The following CACHD1 variants were observed in gnomAD, a reference collection of about 807,000 sequenced individuals.
The protein encoded by CACHD1 is cache domain containing 1.
In CACHD1, 71 loss-of-function variants were observed where a neutral mutation model predicts 138.7. The observed-to-expected ratio is 0.51, with a 90% CI of 0.42 to 0.62. The LOEUF is 0.62. CACHD1 is among the 20% of genes least tolerant of loss of function. The pLI is 0.00. For missense variants in CACHD1, 1,389 were observed against 1,625.3 expected (o/e 0.85, Z 2.50); for synonymous variants, 578 against 591.5 (o/e 0.98, Z 0.33).
intron 1 of CACHD1, among the ~76,000 whole-genome samples, chr1:64,511,584 A>G (rs553244841): frequency 2.6e-5 from 4 of 152,298 alleles, no homozygotes; most frequent in African/African-American, 7.2e-5. Context: ...TCTCTCTCCA[A>G]CATCTCCAAG....
chr1:64,681,544 T>TTTTTTTTTTTG lies in CACHD1; in HGVS notation c.3484+219_3484+220insGTTTTTTTTTT, dbSNP rs1553146854. The stretch of plus-strand genomic sequence containing the variant: ...GAATCTCAAAAGATTTTATTGTGTT[T>TTTTTTTTTTTG]TTTTTTTTTTTTTTTTTTTTGCATT... On this transcript the variant is annotated intron_variant, in intron 25 of 26. Coordinates refer to ENST00000651257, the MANE Select transcript of CACHD1 (RefSeq NM_020925.4). 6.3e-4 allele frequency among the ~76,000 whole-genome samples: 70 copies of TTTTTTTTTTTG among 110,602 alleles called. 2 individuals carry two copies. In the East Asian group the frequency reaches 0.014, roughly 23 times the overall value. The allele number at this position is 110,602 out of a possible 152,430, so 72.6% of individuals were successfully genotyped here. A position where few individuals can be genotyped will look rare whatever the true frequency, so the allele number is the denominator to read the frequency against.
intron 4 of CACHD1, among the ~76,000 whole-genome samples, chr1:64,612,354 C>A (rs1020261483): frequency 3.3e-5 from 5 of 152,166 alleles, no homozygotes; most frequent in Non-Finnish European, 7.4e-5. Flanking sequence ...ATCACAGAAG[C>A]ATTTATCTAT....
intron 3 of CACHD1, among the ~76,000 whole-genome samples, chr1:64,591,773 T>G (rs1446383575): frequency 6.6e-6 from 1 of 152,100 alleles, no homozygotes. Context: ...CTTCTTGAGT[T>G]TTGGAAGAGG....
intron 26 of CACHD1, among the ~76,000 whole-genome samples, chr1:64,685,511 G>A (rs72673392): frequency 2.7e-3 from 415 of 152,246 alleles, no homozygotes; most frequent in Middle Eastern, 0.014. Context: ...AAGAGCTTAG[G>A]AGATAGGGTA....
In CACHD1 at chr1:64,485,603, C is replaced by T. The variant is rs1018529409; in HGVS notation, c.198+14661C>T. Among the ~76,000 whole-genome samples the T allele has an allele frequency of 3.3e-5, 5 of 151,958 alleles. No individual in the cohort carries two copies. The South Asian group carries it at 1.0e-3, about 32-fold the overall frequency. On this transcript the variant is annotated intron_variant, in intron 1 of 26. Coordinates refer to ENST00000651257, the MANE Select transcript of CACHD1 (RefSeq NM_020925.4). The stretch of plus-strand genomic sequence containing the variant: ...TTTTTTGTTTTGTTTTGTTTTGAGA[C>T]AGGGTCTTGCTCTGTCACCCAGGCT...
intron 1 of CACHD1, among the ~76,000 whole-genome samples, chr1:64,525,559 T>TA (rs1273410409): frequency 6.6e-6 from 1 of 152,218 alleles, no homozygotes; most frequent in Non-Finnish European, 1.5e-5. Context: ...CTGCAGTACT[T>TA]ACATCTTTAG....
chr1:64,666,064 C>T lies in CACHD1; in HGVS notation c.2284C>T (p.His762Tyr), dbSNP rs1164541606. The T allele has an allele frequency of 6.3e-7, 1 of 1,587,172 alleles. No homozygotes were observed. Among genetic ancestry groups the T allele is most frequent in the African/African-American group, 1.3e-5 (1 of 74,270 alleles). The stretch of plus-strand genomic sequence containing the variant: ...TTCTTTGGTCTCCATTAGGTATCTC[C>T]ATGCAGTAGCTAATCCAGGGTTGAT... ...FDPTRRQWYL[H>Y]AVANPGLISL... The change falls in exon 16 of 27, where the codon CAT becomes TAT. Residue 762 changes from histidine (H) to tyrosine (Y), a missense_variant. Coordinates refer to ENST00000651257, the MANE Select transcript of CACHD1 (RefSeq NM_020925.4).
rs1649881754 is a variant in CACHD1 at position 64,673,367 on chromosome 1, A to G, written c.2630A>G (p.Asp877Gly). 1 of 1,614,104 alleles carries G rather than the reference A, an allele frequency of 6.2e-7. No individual in the cohort carries two copies. The highest frequency in any genetic ancestry group is 8.5e-7 in the Non-Finnish European group (1 of 1,179,984). Reference protein sequence around the residue: ...ITHKEPLVANDILNHPNFVKK... With the variant: ...ITHKEPLVANGILNHPNFVKK... The stretch of plus-strand genomic sequence containing the variant: ...TGGTAGGAGCCCCTGGTAGCAAATG[A>G]TATCCTCAACCACCCCAACTTTGTA... Residue 877 changes from aspartate to glycine, a missense_variant, in exon 19 of 27, where the codon GAT (aspartate) becomes GGT (glycine). By Grantham distance (94) the Asp-to-Gly change is moderately conservative (BLOSUM62 -1). This residue lies in a region of CACHD1 where 1,000 missense variants were observed against 1,114.7 expected (regional missense o/e 0.90). Transcript: ENST00000651257.
At chr1:64,510,543 A>G (rs1646412639) in intron 1 of CACHD1, among the ~76,000 whole-genome samples, 1 of 152,180 alleles carries the variant, frequency 6.6e-6, no homozygotes, top group African/African-American at 2.4e-5. Context: ...AAGGTTGTTT[A>G]GGTAGCTTAA....
At chr1:64,678,769 T>C (rs1481868812) in intron 23 of CACHD1, among the ~76,000 whole-genome samples, 1 of 152,140 alleles carries the variant, frequency 6.6e-6, no homozygotes, top group Non-Finnish European at 1.5e-5. Context: ...AGCTACCCAG[T>C]GCATCTGGGA....
At chr1:64,633,391 A>G (rs1412534839) in intron 6 of CACHD1, among the ~76,000 whole-genome samples, 3 of 152,138 alleles carry the variant, frequency 2.0e-5, no homozygotes, top group South Asian at 2.1e-4. Context: ...ATACTTCTTT[A>G]TGGCTCATGG....
rs374299365 is a variant in CACHD1, at chr1:64,647,868, C to T, written c.1224C>T (p.Tyr408=). Residue 408 remains tyrosine, a synonymous_variant, in exon 9 of 27, where the codon TAC becomes TAT. Coordinates refer to ENST00000651257, the MANE Select transcript of CACHD1 (RefSeq NM_020925.4). ...TAGCTGAACAGAATTCAGGGAAGTA[C>T]GGTGTGCCAGACCGGATGGCCTTGC... ...RDLAEQNSGK[Y]GVPDRMALPV... 342 of 1,614,088 alleles carry T rather than the reference C, an allele frequency of 2.1e-4. No homozygotes were observed. Among genetic ancestry groups the T allele is most frequent in the South Asian group, 2.5e-4 (23 of 91,078 alleles).
intron 1 of CACHD1, among the ~76,000 whole-genome samples, chr1:64,480,777 C>A (rs1646205699): frequency 6.6e-6 from 1 of 151,638 alleles, no homozygotes; most frequent in African/African-American, 2.4e-5. Flanking sequence ...GAAGAAAATT[C>A]CACCTGTAAT....
intron 2 of CACHD1, among the ~76,000 whole-genome samples, chr1:64,566,687 A>T: frequency 6.6e-6 from 1 of 151,420 alleles, no homozygotes; most frequent in Non-Finnish European, 1.5e-5. Context: ...CTTTTTTTTA[A>T]ATGGTCTATC....
intron 3 of CACHD1, among the ~76,000 whole-genome samples, chr1:64,595,659 C>A (rs1206121531): frequency 6.6e-6 from 1 of 152,162 alleles, no homozygotes; most frequent in African/African-American, 2.4e-5. Context: ...GCGCCCACTT[C>A]CAATTCACCC....
intron 4 of CACHD1, among the ~76,000 whole-genome samples, chr1:64,626,648 G>A (rs1272039730): frequency 1.3e-5 from 2 of 152,100 alleles, no homozygotes; most frequent in Admixed American, 6.6e-5. Flanking sequence ...CTTGCACATT[G>A]GTCATCTTGG....
At chr1:64,550,543 T>C in intron 1 of CACHD1, 51 bp from the exon 2 acceptor site, 2 of 1,319,156 alleles carry the variant, frequency 1.5e-6, no homozygotes, top group Non-Finnish European at 2.2e-6. Context: ...CACACTCATG[T>C]AGAAAATGAC....
At chr1:64,615,357 A>C (rs1647674847) in intron 4 of CACHD1, among the ~76,000 whole-genome samples, 1 of 152,218 alleles carries the variant, frequency 6.6e-6, no homozygotes, top group Non-Finnish European at 1.5e-5. Flanking sequence ...CAGTGTCAGC[A>C]AAGGCCTCTG....
chr1:64,645,357 T>C lies in CACHD1; in HGVS notation c.1157-2444T>C, dbSNP rs758951686. Among the ~76,000 whole-genome samples the C allele has an allele frequency of 6.5e-4, 99 of 152,184 alleles. 1 individual carries two copies. The highest frequency in any genetic ancestry group is 1.2e-3 in the Non-Finnish European group (84 of 68,000). ...TGATGTTTCTAATAGTACAAAGAAA[T>C]CATAAATGATTGGGGTGATTCATAC... On this transcript the variant is annotated intron_variant, in intron 8 of 26. Transcript: ENST00000651257.
Sources: allele counts gnomAD v4.1 joint callset (sites outside exome capture counted in the v4.1 genomes callset), GRCh38; gene constraint gnomAD v4.1.1; regional missense constraint gnomAD v4.1.1; transcripts MANE v1.5; gene names NCBI Gene and HGNC (gene_info 2026-07-23, HGNC 2026-07-21).